Variants in AIMP1 observed in about 807,000 individuals in gnomAD.
The protein encoded by AIMP1 is aminoacyl tRNA synthetase complex interacting multifunctional protein 1.
In AIMP1, 24 loss-of-function variants were observed where a neutral mutation model predicts 33.1. The observed-to-expected ratio is 0.73, with a 90% CI of 0.53 to 1.02. The LOEUF (loss-of-function observed/expected upper bound fraction) is 1.02. Ranked by LOEUF, AIMP1 falls within the 50% of genes least tolerant of loss-of-function variation. AIMP1 has a pLI of 0.00. For missense variants in AIMP1, 367 were observed against 364.8 expected (o/e 1.01, Z -0.05); for synonymous variants, 120 against 121.5 (o/e 0.99, Z 0.08).
At chr4:106,331,913 G>A (rs769089110) in intron 5 of AIMP1, 30 bp downstream of exon 5, 1 of 1,563,120 alleles carries the variant, frequency 6.4e-7, no homozygotes, top group East Asian at 2.2e-5. Context: ...TTCCTGTTGT[G>A]TACATACAAC....
At chr4:106,346,291 A>G (rs553609629) in intron 6 of AIMP1, among the ~76,000 whole-genome samples, 1 of 152,290 alleles carries the variant, frequency 6.6e-6, no homozygotes, top group South Asian at 2.1e-4. Context: ...TATAAAATTT[A>G]TACTATGAGT....
At chr4:106,343,354 C>G (rs973927360) in intron 6 of AIMP1, among the ~76,000 whole-genome samples, 1 of 151,982 alleles carries the variant, frequency 6.6e-6, no homozygotes, top group Non-Finnish European at 1.5e-5. Context: ...TTTTAAAATT[C>G]TCCGTTAACT....
intron 4 of AIMP1, among the ~76,000 whole-genome samples, chr4:106,330,589 G>T (rs916238051): frequency 1.3e-5 from 2 of 152,166 alleles, no homozygotes; most frequent in Admixed American, 1.3e-4. Flanking sequence ...ATTCTTCACT[G>T]AGTTTCTATA....
chr4:106,321,601 G>GCGC (rs1037102041), intron 1 of AIMP1: 1 of 148,838 alleles, frequency 6.7e-6, no homozygotes, highest in Non-Finnish European at 1.4e-5. Flanking sequence ...CGCCCGGCCG[G>GCGC]CGCCCCGTCT....
chr4:106,320,887 C>T (rs1011455920), intron 1 of AIMP1, among the ~76,000 whole-genome samples: 10 of 152,172 alleles, frequency 6.6e-5, no homozygotes, highest in African/African-American at 2.4e-4. Context: ...CCTGGGATTG[C>T]AGGTGCGCGC....
intron 1 of AIMP1, among the ~76,000 whole-genome samples, chr4:106,324,003 A>G (rs1769368152): frequency 6.6e-6 from 1 of 152,106 alleles, no homozygotes; most frequent in African/African-American, 2.4e-5. Context: ...CAGTCACCTC[A>G]AAAATAAATA....
chr4:106,346,517 T>C (rs1770308322), intron 6 of AIMP1, among the ~76,000 whole-genome samples: 1 of 152,166 alleles, frequency 6.6e-6, no homozygotes, highest in African/African-American at 2.4e-5. Flanking sequence ...TATATGTTCC[T>C]AGTGCTTAGA....
At chr4:106,327,820 G>C (rs769652044) in intron 3 of AIMP1, among the ~76,000 whole-genome samples, 1 of 152,098 alleles carries the variant, frequency 6.6e-6, no homozygotes, top group African/African-American at 2.4e-5. Flanking sequence ...AATGTTAGCT[G>C]TTCTTATTTG....
intron 1 of AIMP1, among the ~76,000 whole-genome samples, chr4:106,323,501 T>C (rs1000728587): frequency 1.3e-5 from 2 of 152,014 alleles, no homozygotes; most frequent in Non-Finnish European, 2.9e-5. Context: ...CTGCTATTTT[T>C]ACCAAAATGA....
chr4:106,316,533 G>C (rs546179277), upstream of AIMP1: 1 of 1,551,434 alleles, frequency 6.4e-7, no homozygotes, highest in Non-Finnish European at 8.7e-7. Context: ...ATAGTACGCG[G>C]GTGGCTGGAC....
intron 6 of AIMP1, among the ~76,000 whole-genome samples, chr4:106,338,682 C>T (rs756580984): frequency 6.6e-6 from 1 of 152,174 alleles, no homozygotes; most frequent in Non-Finnish European, 1.5e-5. Context: ...GGGATGGGAC[C>T]CCCCCACACA....
intron 6 of AIMP1, among the ~76,000 whole-genome samples, chr4:106,341,086 A>G (rs1770080433): frequency 6.6e-6 from 1 of 152,050 alleles, no homozygotes; most frequent in Admixed American, 6.5e-5. Flanking sequence ...TTCTTTGTCC[A>G]TGTTTTAATG....
At position 106,316,580 on chromosome 4, in the gene AIMP1, G is replaced by A; in HGVS notation, c.-40G>A. ...CTGCTGTGGCTGTCTCGGAACCCGT[G>A]GTCCTCCGCTTCATGTGAGTGACGT... is the stretch of plus-strand genomic sequence containing the variant. On this transcript the variant is annotated 5_prime_UTR_variant, in exon 1 of 7. Coordinates refer to ENST00000672341, the MANE Select transcript of AIMP1 (RefSeq NM_001142416.2). 1 of 1,551,540 alleles carries A rather than the reference G, an allele frequency of 6.4e-7. No homozygotes were observed. Among genetic ancestry groups the A allele is most frequent in the Non-Finnish European group, 8.7e-7 (1 of 1,146,934 alleles).
At chr4:106,327,410 T>A in intron 2 of AIMP1, 41 bp from the exon 3 acceptor site, 1 of 1,446,242 alleles carries the variant, frequency 6.9e-7, no homozygotes, top group Non-Finnish European at 9.7e-7. Flanking sequence ...ATACAAAACC[T>A]CTTTTAAAAA....
intron 6 of AIMP1, 118 bp downstream of exon 6, chr4:106,337,155 CATT>C: frequency 1.1e-6 from 1 of 937,858 alleles, no homozygotes; most frequent in Admixed American, 1.9e-5. Flanking sequence ...CATTAATGAC[CATT>C]ATTAACTATT....
At chr4:106,322,357 T>C (rs148785376) in intron 1 of AIMP1, among the ~76,000 whole-genome samples, 8 of 152,108 alleles carry the variant, frequency 5.3e-5, no homozygotes, top group African/African-American at 1.4e-4. Flanking sequence ...TCTAAGTATA[T>C]ATAAGCAAGC....
intron 6 of AIMP1, among the ~76,000 whole-genome samples, chr4:106,340,915 C>T (rs1305462764): frequency 1.3e-5 from 2 of 152,098 alleles, no homozygotes; most frequent in Non-Finnish European, 2.9e-5. Context: ...TCTCTTCCAC[C>T]TCACCAACAT....
At chr4:106,340,718 C>A (rs954645085) in intron 6 of AIMP1, among the ~76,000 whole-genome samples, 1 of 152,136 alleles carries the variant, frequency 6.6e-6, no homozygotes, top group Non-Finnish European at 1.5e-5. Flanking sequence ...GATTGCATGT[C>A]TTTGCTATTG....
At chr4:106,335,721 C>T (rs1045569980) in intron 5 of AIMP1, among the ~76,000 whole-genome samples, 13 of 151,892 alleles carry the variant, frequency 8.6e-5, no homozygotes, top group African/African-American at 3.1e-4. Flanking sequence ...GAATTTGACT[C>T]TTAGGCTCAT....
Sources: allele counts gnomAD v4.1 joint callset (sites outside exome capture counted in the v4.1 genomes callset), GRCh38; gene constraint gnomAD v4.1.1; transcripts MANE v1.5; gene names NCBI Gene and HGNC (gene_info 2026-07-23, HGNC 2026-07-21).